Variants in UNC13C observed in about 807,000 individuals in gnomAD.
The protein encoded by UNC13C is protein unc-13 homolog C.
Under a neutral mutation model 245.4 loss-of-function variants are expected in UNC13C, and 174 were observed. The ratio of observed to expected loss-of-function variants is 0.71; its 90% confidence interval spans 0.63 to 0.80. The LOEUF (loss-of-function observed/expected upper bound fraction) is 0.80. Ranked by LOEUF, UNC13C falls within the 30% of genes least tolerant of loss-of-function variation. The pLI, the probability that UNC13C is intolerant of heterozygous loss-of-function variation, is 0.00. For synonymous variants in UNC13C, 992 were observed against 895.1 expected (o/e 1.11, Z -1.93); for missense variants, 2,829 against 2,602.9 (o/e 1.09, Z -1.89).
intron 2 of UNC13C, among the ~76,000 whole-genome samples, chr15:54,119,398 G>T (rs1261216209): frequency 6.6e-6 from 1 of 151,918 alleles, no homozygotes; most frequent in Non-Finnish European, 1.5e-5. Context: ...TATTACTATT[G>T]TAATTGTTTT....
chr15:54,447,025 C>G (rs1223394785), intron 19 of UNC13C, among the ~76,000 whole-genome samples: 1 of 152,080 alleles, frequency 6.6e-6, no homozygotes, highest in East Asian at 1.9e-4. Context: ...TGTCAAAGGC[C>G]TTTTCTGCCT....
At chr15:53,969,084 G>A in the UNC13C span, among the ~76,000 whole-genome samples, 1 of 152,148 alleles carries the variant, frequency 6.6e-6, no homozygotes, top group Non-Finnish European at 1.5e-5. Flanking sequence ...CCAAATGCCT[G>A]GGTTGAGTTT....
intron 19 of UNC13C, among the ~76,000 whole-genome samples, chr15:54,449,893 T>A (rs1891072687): frequency 6.6e-6 from 1 of 152,192 alleles, no homozygotes; most frequent in South Asian, 2.1e-4. Flanking sequence ...TTTTTCCCCA[T>A]CTTTGTGGTT....
chr15:54,204,157 G>A (rs916598100), intron 4 of UNC13C, among the ~76,000 whole-genome samples: 8 of 151,664 alleles, frequency 5.3e-5, no homozygotes, highest in African/African-American at 1.9e-4. Flanking sequence ...GGTTGGGGGT[G>A]TCAAGGGATA....
At chr15:54,297,423 G>C (rs1356592870) in intron 11 of UNC13C, among the ~76,000 whole-genome samples, 1 of 151,992 alleles carries the variant, frequency 6.6e-6, no homozygotes, top group Admixed American at 6.6e-5. Flanking sequence ...TGTGATCATA[G>C]CTTAGTATAA....
At chr15:54,534,095 G>C (rs2141154055) in intron 26 of UNC13C, among the ~76,000 whole-genome samples, 1 of 152,270 alleles carries the variant, frequency 6.6e-6, no homozygotes, top group South Asian at 2.1e-4. Context: ...GCTGCCACCA[G>C]CACACGTAAA....
Position 54,336,329 on chromosome 15 carries a change from A to G in UNC13C, c.4585-2032A>G, listed in dbSNP as rs2038574376. Among the ~76,000 whole-genome samples the G allele has an allele frequency of 1.3e-5, 2 of 152,218 alleles. 1 individual carries two copies. The highest frequency in any genetic ancestry group is 4.1e-4 in the South Asian group (2 of 4,826). ...AAAATCTACTTTCTTGCATTCTTCA[A>G]GAATACAGTAGTCTCGAGTTTTGAG... On this transcript the variant is annotated intron_variant, in intron 16 of 32. Coordinates refer to ENST00000260323, the MANE Select transcript of UNC13C (RefSeq NM_001080534.3).
chr15:54,088,659 A>C (rs1235468832), intron 2 of UNC13C, among the ~76,000 whole-genome samples: 1 of 152,128 alleles, frequency 6.6e-6, no homozygotes, highest in Non-Finnish European at 1.5e-5. Context: ...CTGAGGGTAA[A>C]TTTGGTGTGG....
intron 4 of UNC13C, among the ~76,000 whole-genome samples, chr15:54,179,231 G>A (rs574205317): frequency 6.6e-6 from 1 of 152,116 alleles, no homozygotes; most frequent in East Asian, 1.9e-4. Context: ...TATATGATAT[G>A]CACATACAAT....
chr15:54,529,533 A>G (rs574443480), intron 25 of UNC13C, among the ~76,000 whole-genome samples: 1 of 152,332 alleles, frequency 6.6e-6, no homozygotes, highest in African/African-American at 2.4e-5. Flanking sequence ...ATATATCTTC[A>G]GCACCTAGAA....
the UNC13C span, among the ~76,000 whole-genome samples, chr15:53,927,355 A>G: frequency 6.6e-6 from 1 of 152,184 alleles, no homozygotes; most frequent in East Asian, 1.9e-4. Context: ...CAAGGAGAAC[A>G]GTTGGGATGT....
At chr15:54,112,965 C>T (rs1259240304) in intron 2 of UNC13C, among the ~76,000 whole-genome samples, 1 of 152,134 alleles carries the variant, frequency 6.6e-6, no homozygotes, top group Non-Finnish European at 1.5e-5. Flanking sequence ...TAGGTGAAAC[C>T]AGAGTATGAA....
intron 30 of UNC13C, among the ~76,000 whole-genome samples, chr15:54,618,919 A>G (rs1398874970): frequency 6.6e-6 from 1 of 152,054 alleles, no homozygotes; most frequent in Non-Finnish European, 1.5e-5. Flanking sequence ...TCAAAAAACA[A>G]AACAAAAAAC....
rs1017615176 is a variant in UNC13C at position 54,168,168 on chromosome 15, A to G, written c.3071+24484A>G. On this transcript the variant is annotated intron_variant, in intron 4 of 32. Transcript: ENST00000260323. ...TGCTGAATGTTTGAGATTTTTAACA[A>G]TAAAACATTAGAAAATTATAGCTTT... Among the ~76,000 whole-genome samples the G allele has an allele frequency of 1.3e-5, 2 of 152,216 alleles. 1 individual carries two copies. Among genetic ancestry groups the G allele is most frequent in the Non-Finnish European group, 2.9e-5 (2 of 68,020 alleles).
At position 54,158,816 on chromosome 15, in the gene UNC13C, AT is replaced by A. The variant is rs199706355; in HGVS notation, c.3071+15135del. Among the ~76,000 whole-genome samples the A allele has an allele frequency of 3.2e-4, 49 of 150,772 alleles. 1 individual carries two copies. The highest frequency in any genetic ancestry group is 2.7e-3 in the East Asian group (14 of 5,114). On this transcript the variant is annotated intron_variant, in intron 4 of 32. Coordinates refer to ENST00000260323, the MANE Select transcript of UNC13C (RefSeq NM_001080534.3). ...AGGCGCATGCTACCACACCCAGCTA[AT>A]TTAAAAAAAAAATTATGTAAAGATG... is the stretch of plus-strand genomic sequence containing the variant.
At chr15:54,423,196 A>T (rs537105360) in intron 19 of UNC13C, among the ~76,000 whole-genome samples, 2 of 151,822 alleles carry the variant, frequency 1.3e-5, no homozygotes, top group Admixed American at 1.3e-4. Context: ...AATTGATGTT[A>T]TGACCCACTG....
intron 30 of UNC13C, among the ~76,000 whole-genome samples, chr15:54,570,499 G>T (rs928097830): frequency 6.6e-6 from 1 of 152,124 alleles, no homozygotes. Context: ...ACAATGCTAT[G>T]GCTTGTTGTA....
chr15:54,540,759 G>A (rs997007876), intron 26 of UNC13C, among the ~76,000 whole-genome samples: 1 of 151,946 alleles, frequency 6.6e-6, no homozygotes, highest in African/African-American at 2.4e-5. Flanking sequence ...GAAATCCTAC[G>A]AGCTGCGCAC....
At chr15:54,312,861 A>G (rs183931595) in intron 13 of UNC13C, among the ~76,000 whole-genome samples, 28 of 151,958 alleles carry the variant, frequency 1.8e-4, no homozygotes, top group African/African-American at 6.7e-4. Context: ...AGGAGTTTAT[A>G]TATCAGCAGT....
Sources: allele counts gnomAD v4.1 joint callset (sites outside exome capture counted in the v4.1 genomes callset), GRCh38; gene constraint gnomAD v4.1.1; transcripts MANE v1.5; gene names NCBI Gene and HGNC (gene_info 2026-07-23, HGNC 2026-07-21).